Variants in NOS1AP observed in about 807,000 individuals in gnomAD.
NOS1AP encodes nitric oxide synthase 1 adaptor protein.
A neutral mutation model predicts 56.2 loss-of-function variants in NOS1AP; 21 were observed. The ratio of observed to expected loss-of-function variants is 0.37; its 90% CI spans 0.26 to 0.54. NOS1AP has a LOEUF of 0.54. Among genes scored for constraint, NOS1AP ranks in the 20% least tolerant of loss-of-function variants. NOS1AP has a pLI of 0.84. For missense variants in NOS1AP, 522 were observed against 657.8 expected, an observed-to-expected ratio of 0.79 and a Z score of 2.26; for synonymous variants, 270 against 274.6, an observed-to-expected ratio of 0.98 and a Z score of 0.17.
chr1:162,257,457 T>C (rs1407617251), intron 2 of NOS1AP, among the ~76,000 whole-genome samples: 1 of 152,052 alleles, frequency 6.6e-6, no homozygotes, highest in East Asian at 1.9e-4. Context: ...GAGACTAGCC[T>C]GGGCAACATG....
chr1:162,184,457 AAAAC>A (rs909965171), intron 2 of NOS1AP, among the ~76,000 whole-genome samples: 13 of 152,348 alleles, frequency 8.5e-5, no homozygotes, highest in Middle Eastern at 3.4e-3. Context: ...TTTAATTTGT[AAAAC>A]AAACAAACAA....
intron 1 of NOS1AP, among the ~76,000 whole-genome samples, chr1:162,112,807 A>G (rs533063863): frequency 7.9e-5 from 12 of 152,384 alleles, no homozygotes; most frequent in Admixed American, 2.6e-4. Flanking sequence ...ATAGATGTGC[A>G]TATGCCATAG....
chr1:162,221,531 C>A (rs1032972347), intron 2 of NOS1AP, among the ~76,000 whole-genome samples: 1 of 44,794 alleles, frequency 2.2e-5, no homozygotes, highest in African/African-American at 7.4e-5. Context: ...CACACACACG[C>A]GCGCACACAC....
chr1:162,082,771 G>A (rs1255334210), intron 1 of NOS1AP, among the ~76,000 whole-genome samples: 4 of 152,102 alleles, frequency 2.6e-5, no homozygotes, highest in Non-Finnish European at 4.4e-5. Flanking sequence ...AGGCCCCATG[G>A]TGCCTCTGGT....
intron 1 of NOS1AP, among the ~76,000 whole-genome samples, chr1:162,078,343 G>A (rs1336262786): frequency 6.6e-6 from 1 of 152,028 alleles, no homozygotes; most frequent in Non-Finnish European, 1.5e-5. Context: ...CATCCTCTTG[G>A]GCACATGGGC....
intron 2 of NOS1AP, among the ~76,000 whole-genome samples, chr1:162,240,466 T>A (rs1199753924): frequency 6.6e-6 from 1 of 152,184 alleles, no homozygotes; most frequent in East Asian, 1.9e-4. Context: ...CACTTTGCCT[T>A]TTACTAGAGA....
chr1:162,079,904 T>G (rs1284765846), intron 1 of NOS1AP, among the ~76,000 whole-genome samples: 1 of 152,234 alleles, frequency 6.6e-6, no homozygotes, highest in Non-Finnish European at 1.5e-5. Context: ...GACTACTTTG[T>G]GGGCTTAAAA....
At chr1:162,334,890 T>A (rs1428783146) in intron 5 of NOS1AP, among the ~76,000 whole-genome samples, 1 of 152,176 alleles carries the variant, frequency 6.6e-6, no homozygotes. Flanking sequence ...CTGGCTAGAA[T>A]AGAACCAGGG....
chr1:162,119,727 T>C (rs1485722381), intron 1 of NOS1AP, among the ~76,000 whole-genome samples: 1 of 152,206 alleles, frequency 6.6e-6, no homozygotes, highest in Non-Finnish European at 1.5e-5. Flanking sequence ...CCAGAGTACT[T>C]AACAGCCAGG....
chr1:162,210,107 G>A (rs1390823976), intron 2 of NOS1AP, among the ~76,000 whole-genome samples: 6 of 152,220 alleles, frequency 3.9e-5, no homozygotes, highest in Non-Finnish European at 7.3e-5. Flanking sequence ...GCATACTGCT[G>A]TCTGAAAGAC....
In NOS1AP at chr1:162,369,158, C is replaced by T. The variant is rs1647286124; in HGVS notation, c.*1691C>T. On this transcript the variant is annotated 3_prime_UTR_variant, in exon 10 of 10. Transcript: ENST00000361897. ...GTGTACATATATGTAGGATTGTAAC[C>T]AGACGGAAAAGAACGAGGATCTCCA... is the stretch of plus-strand genomic sequence containing the variant. 1 of 152,058 alleles carries T rather than the reference C, an allele frequency of 6.6e-6. No individual in the cohort carries two copies. Among genetic ancestry groups the T allele is most frequent in the African/African-American group, 2.4e-5 (1 of 41,380 alleles). The allele number at this position is 152,058 out of a possible 1,614,324, so 9.4% of individuals were successfully genotyped here. A position where few individuals can be genotyped will look rare whatever the true frequency, so the allele number is the denominator to read the frequency against.
At chr1:162,182,770 A>C (rs1362504077) in intron 2 of NOS1AP, among the ~76,000 whole-genome samples, 1 of 152,192 alleles carries the variant, frequency 6.6e-6, no homozygotes, top group Admixed American at 6.5e-5. Flanking sequence ...TTTTATTATG[A>C]AATTGTAGCC....
chr1:162,121,202 G>A (rs866898165), intron 1 of NOS1AP, among the ~76,000 whole-genome samples: 4 of 145,240 alleles, frequency 2.8e-5, no homozygotes, highest in East Asian at 2.0e-4. Context: ...ACAAAATCTC[G>A]CTCTGTCGCC....
intron 5 of NOS1AP, among the ~76,000 whole-genome samples, chr1:162,339,110 C>T (rs1657025479): frequency 6.6e-6 from 1 of 152,168 alleles, no homozygotes; most frequent in Admixed American, 6.5e-5. Flanking sequence ...AGCTCCCTTT[C>T]CAGCTGTATT....
chr1:162,288,787 C>G (rs1655167859), intron 3 of NOS1AP, among the ~76,000 whole-genome samples: 1 of 152,194 alleles, frequency 6.6e-6, no homozygotes, highest in Non-Finnish European at 1.5e-5. Flanking sequence ...CCACCTTCTT[C>G]AAAATTCACA....
chr1:162,368,438 C>CAAAAAAAAAAAAAAAAA lies in NOS1AP; in HGVS notation c.*984_*985insAAAAAAAAAAAAAAAAA, dbSNP rs3065060. On this transcript the variant is annotated 3_prime_UTR_variant, in exon 10 of 10. Transcript: ENST00000361897. ...GGGCAGTGGTGGTCAGTTTTTACTG[C>CAAAAAAAAAAAAAAAAA]AAAAAAAAAAAAAGAAAAAAGAGAA... 2.1e-5 allele frequency: 3 copies of CAAAAAAAAAAAAAAAAA among 145,722 alleles called. No individual in the cohort carries two copies. The highest frequency in any genetic ancestry group is 7.8e-5 in the African/African-American group (3 of 38,440). The allele number at this position is 145,722 out of a possible 1,614,324, so 9.0% of individuals were successfully genotyped here. A position where few individuals can be genotyped will look rare whatever the true frequency, so the allele number is the denominator to read the frequency against.
chr1:162,135,400 G>A (rs1304453570), intron 1 of NOS1AP, among the ~76,000 whole-genome samples: 1 of 152,136 alleles, frequency 6.6e-6, no homozygotes, highest in African/African-American at 2.4e-5. Context: ...TTGGAATTGT[G>A]GGAAGATGAA....
chr1:162,294,480 G>A (rs965340103), intron 3 of NOS1AP, among the ~76,000 whole-genome samples: 2 of 152,148 alleles, frequency 1.3e-5, no homozygotes, highest in Admixed American at 6.5e-5. Context: ...GCACCTCCCT[G>A]TGACTGGAGG....
intron 2 of NOS1AP, among the ~76,000 whole-genome samples, chr1:162,200,600 A>G (rs1651962274): frequency 6.6e-6 from 1 of 152,136 alleles, no homozygotes; most frequent in African/African-American, 2.4e-5. Context: ...TCCTTCTCTG[A>G]GGGTTTGGAA....
Sources: gnomAD v4.1 joint callset for allele counts (sites outside exome capture counted in the v4.1 genomes callset) on GRCh38, gnomAD v4.1.1 for gene constraint, MANE v1.5 for transcripts, NCBI Gene and HGNC (gene_info 2026-07-23, HGNC 2026-07-21) for gene names.